The following SUGP1 variants were observed in gnomAD, a reference collection of about 807,000 sequenced individuals.
SUGP1 encodes the protein SURP and G-patch domain-containing protein 1.
In SUGP1, 34 loss-of-function variants were observed where a neutral mutation model predicts 76.5. That is an observed-to-expected ratio of 0.44 (90% CI 0.34 to 0.59). The LOEUF (loss-of-function observed/expected upper bound fraction) is 0.59. SUGP1 is among the 20% of genes least tolerant of loss of function. The pLI, the probability that SUGP1 is intolerant of heterozygous loss-of-function variation, is 0.01. For missense variants in SUGP1, 752 were observed against 851.7 expected (o/e 0.88, Z 1.46); for synonymous variants, 326 against 326.2 (o/e 1.00, Z 0.01).
Position 19,297,281 on chromosome 19 carries a change from C to A in SUGP1, c.951G>T (p.Arg317=), listed in dbSNP as rs2061234763. 1 of 1,554,376 alleles carries A rather than the reference C, an allele frequency of 6.4e-7. No individual in the cohort carries two copies. The highest frequency in any genetic ancestry group is 1.4e-5 in the African/African-American group (1 of 73,206). The change falls in exon 8 of 14, where the codon CGG becomes CGT. Residue 317 remains arginine, a synonymous_variant. Transcript: ENST00000247001. ...KYYRQKLEEF[R]KAKASSTGSF... ...TGCCTGTGGAGCTGGCCTTGGCTTT[C>A]CGGAACTCCTCCAGCTTCTGTCGGT...
At position 19,304,590 on chromosome 19, in the gene SUGP1, T is replaced by C. The variant is rs952836542; in HGVS notation, c.539-743A>G. Among the ~76,000 whole-genome samples the C allele has an allele frequency of 4.6e-5, 7 of 152,240 alleles. No individual in the cohort carries two copies. The East Asian group carries it at 1.3e-3, about 29-fold the overall frequency. On this transcript the variant is annotated intron_variant, in intron 4 of 13. Transcript: ENST00000247001. The stretch of plus-strand genomic sequence containing the variant: ...TAAAGATATATTTTTATATACGGAT[T>C]AGCCTCCCCACTGAGCCATGTGGAA...
chr19:19,277,004 C>G lies in SUGP1; in HGVS notation c.1854G>C (p.Glu618Asp). ...TCATCCTCTTGCGGAACGCCTCATA[C>G]TCGTCGTCCTCCTTGGAGAGCTCCG... ...RPAELSKEDD[E>D]YEAFRKRMML... The change falls in exon 13 of 14, where the codon GAG becomes GAC. Residue 618 changes from glutamate (E) to aspartate (D), a missense_variant. Coordinates refer to ENST00000247001, the MANE Select transcript of SUGP1 (RefSeq NM_172231.4). 1 of 1,613,052 alleles carries G rather than the reference C, an allele frequency of 6.2e-7. No individual in the cohort carries two copies. The highest frequency in any genetic ancestry group is 8.5e-7 in the Non-Finnish European group (1 of 1,180,030).
intron 8 of SUGP1, among the ~76,000 whole-genome samples, chr19:19,296,391 A>G (rs958387653): frequency 4.0e-5 from 6 of 149,316 alleles, no homozygotes; most frequent in African/African-American, 1.5e-4. Flanking sequence ...CCCCATCTCT[A>G]CGTCCCAGCA....
intron 2 of SUGP1, among the ~76,000 whole-genome samples, chr19:19,313,799 T>G (rs1044208516): frequency 2.6e-5 from 4 of 151,910 alleles, no homozygotes; most frequent in Non-Finnish European, 5.9e-5. Context: ...GGCCAGGAGT[T>G]CAAGACTAGC....
chr19:19,301,668 G>A (rs2061272591), intron 7 of SUGP1: 1 of 152,786 alleles, frequency 6.5e-6, no homozygotes, highest in Admixed American at 6.5e-5. Flanking sequence ...CGGGCACAGA[G>A]CAAGTGCCAA....
intron 8 of SUGP1, among the ~76,000 whole-genome samples, chr19:19,289,848 G>C (rs1004435416): frequency 6.6e-6 from 1 of 152,206 alleles, no homozygotes; most frequent in South Asian, 2.1e-4. Context: ...GGAGGGTGGC[G>C]TGCCCAGGGA....
intron 4 of SUGP1, among the ~76,000 whole-genome samples, chr19:19,304,581 T>C (rs994986510): frequency 2.0e-4 from 30 of 152,234 alleles, no homozygotes; most frequent in Non-Finnish European, 3.4e-4. Context: ...TATATTTTTA[T>C]ATACGGATTA....
At chr19:19,295,697 C>T (rs564371061) in intron 8 of SUGP1, among the ~76,000 whole-genome samples, 5 of 150,550 alleles carry the variant, frequency 3.3e-5, no homozygotes, top group South Asian at 2.1e-4. Flanking sequence ...GGCAACAGAG[C>T]GAAACTCTGT....
At chr19:19,311,683 C>A (rs1298799383) in intron 2 of SUGP1, among the ~76,000 whole-genome samples, 2 of 141,472 alleles carry the variant, frequency 1.4e-5, no homozygotes, top group South Asian at 4.5e-4. Context: ...GCCAAGATTG[C>A]GCCACTGCAC....
chr19:19,280,289 G>T lies in SUGP1; in HGVS notation c.1246C>A (p.Gln416Lys). 2 of 1,613,650 alleles carry T rather than the reference G, an allele frequency of 1.2e-6. No homozygotes were observed. The highest frequency in any genetic ancestry group is 2.2e-5 in the East Asian group (1 of 44,878). ...TCATAGCCGAGCCCCTTGAGGTCCTGAACTGGAAACCAAAGACACAGGGTA... is the reference window on the plus strand; with the variant it reads ...TCATAGCCGAGCCCCTTGAGGTCCTTAACTGGAAACCAAAGACACAGGGTA... ...VDASPSPLSV[Q>K]DLKGLGYEKG... Residue 416 changes from glutamine to lysine, a missense_variant and splice_region_variant, in exon 9 of 14, where the codon CAG becomes AAG. Physicochemically the swap from Gln to Lys is moderately conservative, Grantham distance 53. Coordinates refer to ENST00000247001, the MANE Select transcript of SUGP1 (RefSeq NM_172231.4).
intron 8 of SUGP1, chr19:19,280,567 G>A (rs750936268): frequency 9.7e-6 from 4 of 410,728 alleles, no homozygotes; most frequent in Non-Finnish European, 1.8e-5. Flanking sequence ...AGAGGTTCCG[G>A]GACTCACTCA....
At chr19:19,292,699 A>G (rs927698524) in intron 8 of SUGP1, among the ~76,000 whole-genome samples, 1 of 152,114 alleles carries the variant, frequency 6.6e-6, no homozygotes, top group African/African-American at 2.4e-5. Flanking sequence ...AGAAAAATAC[A>G]ATTGAATATT....
chr19:19,283,658 C>T (rs951506243), intron 8 of SUGP1, among the ~76,000 whole-genome samples: 2 of 152,208 alleles, frequency 1.3e-5, no homozygotes, highest in African/African-American at 4.8e-5. Flanking sequence ...TTTCAGCATA[C>T]TGGCCAGGCT....
At chr19:19,285,239 C>A (rs1484051565) in intron 8 of SUGP1, among the ~76,000 whole-genome samples, 1 of 150,952 alleles carries the variant, frequency 6.6e-6, no homozygotes, top group African/African-American at 2.4e-5. Flanking sequence ...AATCGTGGCT[C>A]ACTGCAACCT....
chr19:19,308,120 C>T (rs1443508135), intron 3 of SUGP1, among the ~76,000 whole-genome samples: 1 of 152,106 alleles, frequency 6.6e-6, no homozygotes, highest in African/African-American at 2.4e-5. Context: ...CCTCCGCCTC[C>T]CAGGCCCAAA....
At chr19:19,302,534 G>T in intron 6 of SUGP1, 146 bp from the exon 7 acceptor site, 1 of 1,174,190 alleles carries the variant, frequency 8.5e-7, no homozygotes, top group Non-Finnish European at 1.2e-6. Flanking sequence ...ACTACACTGG[G>T]ACCAGATGCC....
At chr19:19,303,524 T>G in intron 5 of SUGP1, 76 bp from the exon 6 acceptor site, 3 of 1,467,942 alleles carry the variant, frequency 2.0e-6, no homozygotes, top group Non-Finnish European at 2.9e-6. Context: ...GCTTCTATCG[T>G]GCAAAAAAAG....
rs2061050948 is a variant in SUGP1, at chr19:19,276,590, G to T, written c.*58C>A. 1.2e-6 allele frequency: 2 copies of T among 1,608,666 alleles called. No individual in the cohort carries two copies. The highest frequency in any genetic ancestry group is 1.1e-5 in the South Asian group (1 of 90,846). The stretch of plus-strand genomic sequence containing the variant: ...AAGGGGTGGGCAGAAATGCAGGCCG[G>T]AACATTCCACAGTCCAGGGACGGTT... On this transcript the variant is annotated 3_prime_UTR_variant, in exon 14 of 14. Coordinates refer to ENST00000247001, the MANE Select transcript of SUGP1 (RefSeq NM_172231.4).
chr19:19,310,143 G>C lies in SUGP1; in HGVS notation c.264C>G (p.Ser88Arg). The C allele has an allele frequency of 6.2e-7, 1 of 1,613,814 alleles. No individual in the cohort carries two copies. ...GCAACTTCAGAAACTGCTGCAAGAA[G>C]CTACCATCGTTGGCAAACTTGTTGG... ...CISNKFANDG[S>R]FLQQFLKLQK... Residue 88 changes from serine to arginine, a missense_variant, in exon 3 of 14, where the codon AGC (serine) becomes AGG (arginine). Coordinates refer to ENST00000247001, the MANE Select transcript of SUGP1 (RefSeq NM_172231.4).
Sources: allele counts gnomAD v4.1 joint callset (sites outside exome capture counted in the v4.1 genomes callset), GRCh38; gene constraint gnomAD v4.1.1; transcripts MANE v1.5; gene names NCBI Gene and HGNC (gene_info 2026-07-23, HGNC 2026-07-21).